B3GNT6: variants seen among roughly 807,000 people sequenced by gnomAD.
B3GNT6 encodes the protein acetylgalactosaminyl-O-glycosyl-glycoprotein beta-1,3-N-acetylglucosaminyltransferase.
For synonymous variants in B3GNT6, 300 were observed against 270.0 expected (o/e 1.11, Z -1.09); for missense variants, 624 against 568.6 (o/e 1.10, Z -0.99).
rs1380847155 is a variant in B3GNT6 at position 77,039,779 on chromosome 11, G to GAACGCCACGGCC, written c.229_240dup (p.Asn77_Ala80dup). On this transcript the variant is annotated inframe_insertion, in exon 2 of 2. Transcript: ENST00000622824. Reference sequence around the variant, plus strand: ...CCCCGTGCGTGGCGAACGCCTCGGCGAACGCCACGGCCGACTTCGAGCAGC... The same window carrying GAACGCCACGGCC: ...CCCCGTGCGTGGCGAACGCCTCGGCGAACGCCACGGCCAACGCCACGGCCGACTTCGAGCAGC... The GAACGCCACGGCC allele has an allele frequency of 1.3e-6, 2 of 1,584,230 alleles. No homozygotes were observed. Among genetic ancestry groups the GAACGCCACGGCC allele is most frequent in the African/African-American group, 2.7e-5 (2 of 74,216 alleles).
chr11:77,040,066 C>A lies in B3GNT6; in HGVS notation c.515C>A (p.Ala172Glu), dbSNP rs200858833. The change falls in exon 2 of 2, where the codon GCG (alanine) becomes GAG (glutamate). Residue 172 changes from alanine to glutamate, a missense_variant. Ala to Glu is a moderately radical substitution (Grantham distance 107). Transcript: ENST00000622824. ...GACGAGGCGCGCGCGGAGCGGCTGG[C>A]GGAGCTGGTGGCGCTGGAGGCGCGC... ...PEDEARAERL[A>E]ELVALEAREH... The A allele has an allele frequency of 6.4e-7, 1 of 1,565,498 alleles. No individual in the cohort carries two copies. The highest frequency in any genetic ancestry group is 8.6e-7 in the Non-Finnish European group (1 of 1,167,202).
In B3GNT6 at chr11:77,039,990, G is replaced by A; in HGVS notation, c.439G>A (p.Gly147Ser). Residue 147 changes from glycine (G) to serine (S), a missense_variant, in exon 2 of 2, where the codon GGC becomes AGC. By Grantham distance (56) the Gly-to-Ser change is moderately conservative (BLOSUM62 0). Coordinates refer to ENST00000622824, the MANE Select transcript of B3GNT6 (RefSeq NM_138706.5). ...RRTWGQERSY[G>S]GRPVRRLFLL... ...CACGTGGGGGCAAGAGCGCAGCTAC[G>A]GCGGGCGGCCAGTGCGCCGCCTCTT... 1.9e-6 allele frequency: 3 copies of A among 1,578,566 alleles called. No individual in the cohort carries two copies. Among genetic ancestry groups the A allele is most frequent in the Non-Finnish European group, 2.6e-6 (3 of 1,170,880 alleles).
Position 77,040,801 on chromosome 11 carries a change from T to G in B3GNT6, c.*95T>G. 2 of 1,421,318 alleles carry G rather than the reference T, an allele frequency of 1.4e-6. No individual in the cohort carries two copies. The highest frequency in any genetic ancestry group is 1.8e-6 in the Non-Finnish European group (2 of 1,092,278). 88.0% of individuals were successfully genotyped at this position (1,421,318 alleles called of 1,614,324 possible). ...GGGTACCTTACGTCCTGCCCAGCTC[T>G]GTGCACCTGAACCCCAGCTGCGCAC... On this transcript the variant is annotated 3_prime_UTR_variant, in exon 2 of 2. Coordinates refer to ENST00000622824, the MANE Select transcript of B3GNT6 (RefSeq NM_138706.5).
rs782572228 is a variant in B3GNT6, at chr11:77,040,248, G to C, written c.697G>C (p.Val233Leu). Reference sequence around the variant, plus strand: ...CGTGTTCGTGCACACCGCCAACGTAGTCCGCTTCCTGCAGGCGCAGCCACC... The same window carrying C: ...CGTGTTCGTGCACACCGCCAACGTACTCCGCTTCCTGCAGGCGCAGCCACC... ...DDVFVHTANV[V>L]RFLQAQPPGR... Residue 233 changes from valine (V) to leucine (L), a missense_variant, in exon 2 of 2, where the codon GTC (valine) becomes CTC (leucine). Val to Leu is a conservative substitution (Grantham distance 32, BLOSUM62 1). Coordinates refer to ENST00000622824, the MANE Select transcript of B3GNT6 (RefSeq NM_138706.5). 3 of 1,598,688 alleles carry C rather than the reference G, an allele frequency of 1.9e-6. No homozygotes were observed. Among genetic ancestry groups the C allele is most frequent in the South Asian group, 2.2e-5 (2 of 90,934 alleles).
chr11:77,040,064 G>A lies in B3GNT6; in HGVS notation c.513G>A (p.Leu171=). 2.5e-6 allele frequency: 4 copies of A among 1,576,656 alleles called. No individual in the cohort carries two copies. The highest frequency in any genetic ancestry group is 3.4e-6 in the Non-Finnish European group (4 of 1,171,240). ...AGGACGAGGCGCGCGCGGAGCGGCT[G>A]GCGGAGCTGGTGGCGCTGGAGGCGC... ...GPEDEARAER[L]AELVALEARE... Residue 171 remains leucine, a synonymous_variant, in exon 2 of 2, where the codon CTG becomes CTA. Coordinates refer to ENST00000622824, the MANE Select transcript of B3GNT6 (RefSeq NM_138706.5).
At chr11:77,035,013 C>G (rs186595331) in intron 1 of B3GNT6, among the ~76,000 whole-genome samples, 1 of 152,018 alleles carries the variant, frequency 6.6e-6, no homozygotes, top group Non-Finnish European at 1.5e-5. Context: ...ATAAAAATTA[C>G]CTGGGCATGG....
chr11:77,040,903 C>A lies in B3GNT6; in HGVS notation c.*197C>A. 1.2e-6 allele frequency: 1 copy of A among 861,868 alleles called. No individual in the cohort carries two copies. The highest frequency in any genetic ancestry group is 1.6e-6 in the Non-Finnish European group (1 of 607,074). 53.4% of individuals were successfully genotyped at this position (861,868 alleles called of 1,614,324 possible). A position where few individuals can be genotyped will look rare whatever the true frequency, so the allele number is the denominator to read the frequency against. On this transcript the variant is annotated 3_prime_UTR_variant, in exon 2 of 2. Transcript: ENST00000622824. Reference sequence around the variant, plus strand: ...CTCCCGAAGTTTCGATTTGATTAGTCTGGGGTGGACCCAGACATGTTAAGT... The same window carrying A: ...CTCCCGAAGTTTCGATTTGATTAGTATGGGGTGGACCCAGACATGTTAAGT...
rs1479434418 is a variant in B3GNT6, at chr11:77,040,295, C to T, written c.744C>T (p.Gly248=). 1.9e-6 allele frequency: 3 copies of T among 1,589,582 alleles called. No individual in the cohort carries two copies. In the African/African-American group the frequency reaches 4.0e-5, roughly 21 times the overall value. ...CACCCGGCCGCCACCTGTTCTCCGG[C>T]CAGCTCATGGAGGGCTCCGTGCCCA... ...AQPPGRHLFS[G]QLMEGSVPIR... Residue 248 remains glycine, a synonymous_variant, in exon 2 of 2, where the codon GGC becomes GGT. Transcript: ENST00000622824.
At chr11:77,035,236 A>G (rs1949624181) in intron 1 of B3GNT6, among the ~76,000 whole-genome samples, 1 of 152,224 alleles carries the variant, frequency 6.6e-6, no homozygotes, top group Non-Finnish European at 1.5e-5. Context: ...AGAGGATCAC[A>G]GAGGAACTTT....
intron 1 of B3GNT6, among the ~76,000 whole-genome samples, chr11:77,034,806 G>A (rs941736945): frequency 1.3e-5 from 2 of 152,220 alleles, no homozygotes; most frequent in Non-Finnish European, 2.9e-5. Flanking sequence ...GTTCCAGCTA[G>A]CTATCTCAGC....
In B3GNT6 at chr11:77,039,711, G is replaced by A. The variant is rs1949666297; in HGVS notation, c.160G>A (p.Ala54Thr). ...GGAGACGCCAGAGGGTCCCACCGACGCTCCCGCGGCTGACGAGCCGCCCTC... is the reference window on the plus strand; with the variant it reads ...GGAGACGCCAGAGGGTCCCACCGACACTCCCGCGGCTGACGAGCCGCCCTC... Reference protein sequence around the residue: ...QEETPEGPTDAPAADEPPSEL... With the variant: ...QEETPEGPTDTPAADEPPSEL... Residue 54 changes from alanine (A) to threonine (T), a missense_variant, in exon 2 of 2, where the codon GCT becomes ACT. Coordinates refer to ENST00000622824, the MANE Select transcript of B3GNT6 (RefSeq NM_138706.5). 1 of 1,606,352 alleles carries A rather than the reference G, an allele frequency of 6.2e-7. No homozygotes were observed. The highest frequency in any genetic ancestry group is 8.5e-7 in the Non-Finnish European group (1 of 1,177,646).
chr11:77,038,105 G>T (rs191548121), intron 1 of B3GNT6, among the ~76,000 whole-genome samples: 1 of 51,732 alleles, frequency 1.9e-5, no homozygotes, highest in Non-Finnish European at 3.7e-5. Flanking sequence ...GAGGGGGAGG[G>T]AGAGAAGGGA....
Position 77,040,743 on chromosome 11 carries a change from A to T in B3GNT6, c.*37A>T, listed in dbSNP as rs782256052. The stretch of plus-strand genomic sequence containing the variant: ...CGGCTTCAGCCCCGGGCCTCCAACC[A>T]TGTCCATGCTGAGAAGGCAGCTTTC... On this transcript the variant is annotated 3_prime_UTR_variant, in exon 2 of 2. Coordinates refer to ENST00000622824, the MANE Select transcript of B3GNT6 (RefSeq NM_138706.5). The T allele has an allele frequency of 6.6e-7, 1 of 1,522,450 alleles. No individual in the cohort carries two copies. 94.3% of individuals were successfully genotyped at this position (1,522,450 alleles called of 1,614,324 possible).
intron 1 of B3GNT6, among the ~76,000 whole-genome samples, chr11:77,038,107 GAGA>G (rs2135376659): frequency 1.7e-5 from 1 of 58,946 alleles, no homozygotes; most frequent in South Asian, 1.1e-3. Flanking sequence ...GGGGGAGGGA[GAGA>G]AGGGAGGATA....
In B3GNT6 at chr11:77,040,344, T is replaced by G. The variant is rs879956826; in HGVS notation, c.793T>G (p.Phe265Val). Residue 265 changes from phenylalanine (F) to valine (V), a missense_variant, in exon 2 of 2, where the codon TTC (phenylalanine) becomes GTC (valine). Phe to Val is a conservative substitution (Grantham distance 50). Coordinates refer to ENST00000622824, the MANE Select transcript of B3GNT6 (RefSeq NM_138706.5). Reference sequence around the variant, plus strand: ...CATCCGCGACAGCTGGAGCAAGTACTTCGTGCCGCCGCAGCTCTTCCCCGG... The same window carrying G: ...CATCCGCGACAGCTGGAGCAAGTACGTCGTGCCGCCGCAGCTCTTCCCCGG... ...VPIRDSWSKYFVPPQLFPGSA... is the reference protein window; with the variant it reads ...VPIRDSWSKYVVPPQLFPGSA... The G allele has an allele frequency of 5.8e-6, 9 of 1,549,244 alleles. No individual in the cohort carries two copies. In the Admixed American group the frequency reaches 1.7e-4, roughly 30 times the overall value.
chr11:77,041,035 A>G lies in B3GNT6; in HGVS notation c.*329A>G. ...AGCCAGCTCCACCGCCCTCTCTGCA[A>G]GAATTCCGGGCCCCTCGCTCCCACA... On this transcript the variant is annotated 3_prime_UTR_variant, in exon 2 of 2. Coordinates refer to ENST00000622824, the MANE Select transcript of B3GNT6 (RefSeq NM_138706.5). 3.2e-6 allele frequency: 1 copy of G among 309,426 alleles called. No individual in the cohort carries two copies. The highest frequency in any genetic ancestry group is 5.9e-6 in the Non-Finnish European group (1 of 170,876). The allele number at this position is 309,426 out of a possible 1,614,324, so 19.2% of individuals were successfully genotyped here.
rs782319003 is a variant in B3GNT6, at chr11:77,040,242, A to G, written c.691A>G (p.Asn231Asp). 4 of 1,598,814 alleles carry G rather than the reference A, an allele frequency of 2.5e-6. No individual in the cohort carries two copies. Among genetic ancestry groups the G allele is most frequent in the Admixed American group, 3.3e-5 (2 of 59,946 alleles). ...CGACGACGTGTTCGTGCACACCGCC[A>G]ACGTAGTCCGCTTCCTGCAGGCGCA... ...GDDDVFVHTA[N>D]VVRFLQAQPP... is the part of the protein sequence containing the mutation. Residue 231 changes from asparagine (N) to aspartate (D), a missense_variant, in exon 2 of 2, where the codon AAC (asparagine) becomes GAC (aspartate). Transcript: ENST00000622824.
At position 77,040,113 on chromosome 11, in the gene B3GNT6, TG is replaced by T. The variant is rs781826774; in HGVS notation, c.565del (p.Ala189ProfsTer44). On this transcript the variant is annotated frameshift_variant, in exon 2 of 2. Transcript: ENST00000622824. LOFTEE classifies it low-confidence loss of function (END_TRUNC). ...EAREHGDVLQ[W>X]AFADTFLNLT... ...GCGCGAGCACGGCGACGTGCTGCAG[TG>T]GGCCTTCGCGGACACCTTCCTCAAC... 1 of 1,597,814 alleles carries T rather than the reference TG, an allele frequency of 6.3e-7. No individual in the cohort carries two copies. The highest frequency in any genetic ancestry group is 8.5e-7 in the Non-Finnish European group (1 of 1,179,170).
chr11:77,039,519 T>C (rs186525261), intron 1 of B3GNT6, 33 bp from the exon 2 acceptor site: 2 of 1,531,796 alleles, frequency 1.3e-6, no homozygotes, highest in East Asian at 4.7e-5. Context: ...AAAGACGACT[T>C]CCGGCTCACC....
Sources: gnomAD v4.1 joint callset for allele counts (sites outside exome capture counted in the v4.1 genomes callset) on GRCh38, gnomAD v4.1.1 for gene constraint, MANE v1.5 for transcripts, NCBI Gene and HGNC (gene_info 2026-07-23, HGNC 2026-07-21) for gene names.